The following ACOT2 variants were observed in gnomAD, a reference collection of about 807,000 sequenced individuals.
ACOT2 encodes the protein acyl-CoA thioesterase 2.
Under a neutral mutation model 20.1 loss-of-function variants are expected in ACOT2, and 15 were observed. The observed-to-expected ratio is 0.75, with a 90% CI of 0.50 to 1.15. The LOEUF is 1.15. Among genes scored for constraint, ACOT2 ranks in the 50% most tolerant of loss-of-function variants. The probability of loss-of-function intolerance (pLI) is 0.00; values close to 1 mark genes in which losing one functional copy is unlikely to be tolerated. For synonymous variants in ACOT2, 252 were observed against 268.4 expected (o/e 0.94, Z 0.60); for missense variants, 479 against 615.3 (o/e 0.78, Z 2.34).
chr14:73,568,989 A>C, upstream of ACOT2: 2 of 518,050 alleles, frequency 3.9e-6, no homozygotes, highest in Non-Finnish European at 6.9e-6. Flanking sequence ...GAGCCTGGAG[A>C]CTGCTAGCTG....
Position 73,569,570 on chromosome 14 carries a change from C to T in ACOT2, c.330C>T (p.Ala110=). ...ACGAGAAGGGCGCGCTTTTCCAGGC[C>T]CACGCGCGCTACCGCGCCGACACTC... is the stretch of plus-strand genomic sequence containing the variant. ...LRDEKGALFQ[A]HARYRADTLG... Residue 110 remains alanine, a synonymous_variant, in exon 1 of 3, where the codon GCC becomes GCT. Transcript: ENST00000238651. 1 of 1,600,232 alleles carries T rather than the reference C, an allele frequency of 6.2e-7. No individual in the cohort carries two copies.
chr14:73,570,689 G>T (rs1307303340), intron 1 of ACOT2, among the ~76,000 whole-genome samples: 1 of 152,036 alleles, frequency 6.6e-6, no homozygotes, highest in African/African-American at 2.4e-5. Flanking sequence ...CGGATCACCT[G>T]AGGTCAGGAG....
rs755055503 is a variant in ACOT2, at chr14:73,569,892, C to T, written c.643+9C>T. On this transcript the variant is annotated intron_variant, in intron 1 of 2. Coordinates refer to ENST00000238651, the MANE Select transcript of ACOT2 (RefSeq NM_006821.6). ...GCTCTTCCTGCCGCCAGGTGACTCA[C>T]CTCCGCTAATTGTTCCGTGTTCGTT... The T allele has an allele frequency of 1.2e-6, 2 of 1,601,048 alleles. No homozygotes were observed. Among genetic ancestry groups the T allele is most frequent in the Non-Finnish European group, 1.7e-6 (2 of 1,174,730 alleles).
chr14:73,573,813 A>G (rs1889816909), intron 2 of ACOT2, among the ~76,000 whole-genome samples: 1 of 151,682 alleles, frequency 6.6e-6, no homozygotes, highest in Admixed American at 6.6e-5. Flanking sequence ...TGCAACCTCC[A>G]CCTCCCAAGT....
At chr14:73,571,880 T>G (rs1889759378) in intron 1 of ACOT2, among the ~76,000 whole-genome samples, 1 of 152,104 alleles carries the variant, frequency 6.6e-6, no homozygotes, top group African/African-American at 2.4e-5. Flanking sequence ...TACTGGATAC[T>G]TTTATATTAC....
rs746096138 is a variant in ACOT2 at position 73,575,180 on chromosome 14, G to C, written c.1119G>C (p.Val373=). ...EGPDQKSFIP[V]ERAESTFLFL... Reference sequence around the variant, plus strand: ...CTGACCAGAAGAGCTTCATTCCTGTGGAAAGGGCAGAGAGCACCTTCCTGT... The same window carrying C: ...CTGACCAGAAGAGCTTCATTCCTGTCGAAAGGGCAGAGAGCACCTTCCTGT... Residue 373 remains valine (V), a synonymous_variant, in exon 3 of 3, where the codon GTG becomes GTC. Transcript: ENST00000238651. The C allele has an allele frequency of 1.4e-5, 16 of 1,117,276 alleles. 1 individual carries two copies. In the South Asian group the frequency reaches 2.4e-4, roughly 16 times the overall value. 69.2% of individuals were successfully genotyped at this position (1,117,276 alleles called of 1,614,324 possible).
upstream of ACOT2, among the ~76,000 whole-genome samples, chr14:73,568,425 G>T (rs1401018367): frequency 6.6e-6 from 1 of 151,904 alleles, no homozygotes. Flanking sequence ...GATGCATGGG[G>T]AGCTCCGGTA....
At chr14:73,568,268 C>A (rs1227944506), upstream of ACOT2, 1 of 151,566 alleles carries the variant, frequency 6.6e-6, no homozygotes, top group East Asian at 1.9e-4. Flanking sequence ...GAAGCCTACA[C>A]ATTTATAGCT....
Position 73,573,370 on chromosome 14 carries a change from G to A in ACOT2, c.644-18G>A, listed in dbSNP as rs376186823. On this transcript the variant is annotated intron_variant, in intron 1 of 2. Coordinates refer to ENST00000238651, the MANE Select transcript of ACOT2 (RefSeq NM_006821.6). ...CAGGAATAGCTTAGTTTTGCATTTT[G>A]TTTTGTTTCTTCCCAAGAACCTGGG... 3.0e-4 allele frequency: 490 copies of A among 1,613,458 alleles called. 7 individuals are homozygous for A. The highest frequency in any genetic ancestry group is 3.9e-4 in the Non-Finnish European group (464 of 1,179,622).
At chr14:73,572,548 A>G (rs913911994) in intron 1 of ACOT2, among the ~76,000 whole-genome samples, 8 of 150,500 alleles carry the variant, frequency 5.3e-5, no homozygotes, top group African/African-American at 1.9e-4. Flanking sequence ...CTGGAAAGAG[A>G]GGAAAGGGCA....
At chr14:73,567,837 C>T (rs1417211204), upstream of ACOT2, 2 of 152,072 alleles carry the variant, frequency 1.3e-5, no homozygotes, top group Non-Finnish European at 1.5e-5. Flanking sequence ...GTAACACTCA[C>T]CTTGAAGGTC....
At chr14:73,570,060 C>G (rs576956891) in intron 1 of ACOT2, among the ~76,000 whole-genome samples, 177 bp downstream of exon 1, 2 of 151,526 alleles carry the variant, frequency 1.3e-5, no homozygotes, top group Admixed American at 1.3e-4. Context: ...TCCCTAAGAG[C>G]TGGGATTACA....
At chr14:73,574,543 G>A (rs558609598) in intron 2 of ACOT2, 122 of 411,072 alleles carry the variant, frequency 3.0e-4, no homozygotes, top group East Asian at 8.0e-4. Flanking sequence ...GATTACAGGC[G>A]TCAGCCACCA....
intron 1 of ACOT2, among the ~76,000 whole-genome samples, 184 bp from the exon 2 acceptor site, chr14:73,573,201 TACA>T (rs1487714540): frequency 1.3e-5 from 2 of 152,014 alleles, no homozygotes. Flanking sequence ...AGTCTTTGGC[TACA>T]ACGAGTAAAG....
intron 1 of ACOT2, among the ~76,000 whole-genome samples, chr14:73,570,310 T>C (rs563223408): frequency 1.9e-4 from 29 of 151,568 alleles, no homozygotes; most frequent in Admixed American, 3.9e-4. Flanking sequence ...TGGCTCACGC[T>C]TGTAATCCCA....
chr14:73,568,263 C>T (rs1889639553), upstream of ACOT2: 1 of 151,804 alleles, frequency 6.6e-6, no homozygotes, highest in Admixed American at 6.6e-5. Flanking sequence ...GGTTTGAAGC[C>T]TACACATTTA....
intron 2 of ACOT2, 104 bp downstream of exon 2, chr14:73,573,694 C>G: frequency 7.6e-7 from 1 of 1,309,284 alleles, no homozygotes; most frequent in Non-Finnish European, 1.1e-6. Flanking sequence ...CATTCCCTAC[C>G]CCAACACACA....
Position 73,569,446 on chromosome 14 carries a change from T to C in ACOT2, c.206T>C (p.Leu69Pro). The C allele has an allele frequency of 6.2e-7, 1 of 1,613,744 alleles. No homozygotes were observed. Among genetic ancestry groups the C allele is most frequent in the Non-Finnish European group, 8.5e-7 (1 of 1,179,784 alleles). ...VPARMAATLI[L>P]EPAGRCCWDE... ...GCTCGGATGGCGGCGACGCTGATCC[T>C]GGAGCCTGCGGGCCGCTGCTGCTGG... Residue 69 changes from leucine to proline, a missense_variant, in exon 1 of 3, where the codon CTG becomes CCG. Leu to Pro is a moderately conservative substitution (Grantham distance 98). This residue lies in a region of ACOT2 where 400 missense variants were observed against 395.5 expected (regional missense o/e 1.01). Coordinates refer to ENST00000238651, the MANE Select transcript of ACOT2 (RefSeq NM_006821.6).
intron 2 of ACOT2, 119 bp downstream of exon 2, chr14:73,573,709 C>G (rs914966776): frequency 8.4e-7 from 1 of 1,186,850 alleles, no homozygotes; most frequent in African/African-American, 1.5e-5. Context: ...CACACACTAC[C>G]TTTTTTAGTC....
Sources: gnomAD v4.1 joint callset for allele counts (sites outside exome capture counted in the v4.1 genomes callset) on GRCh38, gnomAD v4.1.1 for gene constraint, gnomAD v4.1.1 regional missense constraint, MANE v1.5 for transcripts, NCBI Gene and HGNC (gene_info 2026-07-23, HGNC 2026-07-21) for gene names.